SHTN1: variants seen among roughly 807,000 people sequenced by gnomAD.
SHTN1 encodes shootin 1, also known as shootin-1.
A neutral mutation model predicts 83.1 loss-of-function variants in SHTN1; 42 were observed. The observed-to-expected ratio is 0.51, with a 90% CI of 0.39 to 0.65. SHTN1 has a LOEUF of 0.65. SHTN1 is among the 30% of genes least tolerant of loss of function. The probability of loss-of-function intolerance (pLI) is 0.00; values close to 1 mark genes in which losing one functional copy is unlikely to be tolerated. For missense variants in SHTN1, 622 were observed against 737.8 expected (o/e 0.84, Z 1.82); for synonymous variants, 224 against 247.7 (o/e 0.90, Z 0.90).
At chr10:116,961,204 G>A (rs1850172941) in intron 3 of SHTN1, among the ~76,000 whole-genome samples, 1 of 151,806 alleles carries the variant, frequency 6.6e-6, no homozygotes. Flanking sequence ...CACAAAGAGA[G>A]ATTACTTTTG....
At chr10:117,089,557 G>A (rs750575430) in intron 1 of SHTN1, among the ~76,000 whole-genome samples, 14 of 152,096 alleles carry the variant, frequency 9.2e-5, no homozygotes, top group Admixed American at 4.6e-4. Context: ...TGGATAGGGC[G>A]TCAAAAGCAC....
At chr10:116,922,931 A>T (rs61652738) in intron 11 of SHTN1, among the ~76,000 whole-genome samples, 8,733 of 151,908 alleles carry the variant, frequency 0.057, 819 homozygotes, top group African/African-American at 0.19. Flanking sequence ...ACACCATTGC[A>T]CTCCAGCCTG....
chr10:117,086,462 G>A (rs1189221263), intron 1 of SHTN1, among the ~76,000 whole-genome samples: 5 of 152,070 alleles, frequency 3.3e-5, no homozygotes, highest in African/African-American at 1.2e-4. Flanking sequence ...GAATATAGTT[G>A]GACTAGTATC....
chr10:116,902,707 G>A (rs971652141), intron 15 of SHTN1, among the ~76,000 whole-genome samples: 3 of 152,160 alleles, frequency 2.0e-5, no homozygotes, highest in Non-Finnish European at 4.4e-5. Flanking sequence ...AGTGCTTCTT[G>A]AAACTTCAGA....
intron 6 of SHTN1, 40 bp from the exon 7 acceptor site, chr10:116,949,037 T>C (rs1381930441): frequency 2.0e-6 from 3 of 1,482,224 alleles, no homozygotes; most frequent in Non-Finnish European, 1.8e-6. Context: ...ACACCAAAAA[T>C]TGTAAAACAG....
chr10:117,078,297 G>A (rs1853192675), intron 1 of SHTN1, among the ~76,000 whole-genome samples: 1 of 152,170 alleles, frequency 6.6e-6, no homozygotes, highest in Non-Finnish European at 1.5e-5. Context: ...CTACAAGGAT[G>A]GTGGCTCCTG....
At chr10:117,050,152 C>A (rs867719207) in intron 1 of SHTN1, among the ~76,000 whole-genome samples, 1 of 151,928 alleles carries the variant, frequency 6.6e-6, no homozygotes, top group African/African-American at 2.4e-5. Context: ...CACAGCAAGA[C>A]CCCATGTCTA....
intron 15 of SHTN1, among the ~76,000 whole-genome samples, chr10:116,905,835 G>A (rs1847947198): frequency 6.6e-6 from 1 of 152,144 alleles, no homozygotes; most frequent in South Asian, 2.1e-4. Context: ...ACCTCATAAA[G>A]GTTTCCGTTA....
intron 2 of SHTN1, among the ~76,000 whole-genome samples, chr10:117,013,465 T>C (rs1852137040): frequency 6.6e-6 from 1 of 152,220 alleles, no homozygotes; most frequent in African/African-American, 2.4e-5. Flanking sequence ...TAAGCCACCA[T>C]GCCTGGCCCA....
At position 117,103,545 on chromosome 10, in the gene SHTN1, T is replaced by C. The variant is rs1853629744; in HGVS notation, c.-189+22762A>G. 1.5e-5 allele frequency among the ~76,000 whole-genome samples: 2 copies of C among 133,998 alleles called. 1 individual carries two copies. Among genetic ancestry groups the C allele is most frequent in the Non-Finnish European group, 3.2e-5 (2 of 62,710 alleles). The allele number at this position is 133,998 out of a possible 152,430, so 87.9% of individuals were successfully genotyped here. ...CCTCCCCTCTCTTTTTTTTTTTTTT[T>C]TTTTTTTTTTGAGACGGAGTCTCGC... On this transcript the variant is annotated intron_variant, in intron 1 of 17. Transcript: ENST00000392901.
chr10:116,925,002 C>T (rs200819587), intron 11 of SHTN1, among the ~76,000 whole-genome samples: 16 of 151,948 alleles, frequency 1.1e-4, no homozygotes, highest in South Asian at 2.1e-4. Context: ...GTGATCCGCC[C>T]GCCTCGGCCT....
intron 1 of SHTN1, among the ~76,000 whole-genome samples, chr10:117,097,831 C>G (rs1279338749): frequency 6.6e-6 from 1 of 152,110 alleles, no homozygotes; most frequent in African/African-American, 2.4e-5. Flanking sequence ...CAATTTCTTG[C>G]ATCACAAAAT....
At chr10:116,906,548 T>A in intron 15 of SHTN1, 79 bp downstream of exon 15, 3 of 1,375,528 alleles carry the variant, frequency 2.2e-6, no homozygotes, top group Non-Finnish European at 2.9e-6. Context: ...TTTAAAAGAT[T>A]GTTTCATGTA....
chr10:117,055,390 A>G (rs1254354595), intron 1 of SHTN1, among the ~76,000 whole-genome samples: 2 of 152,146 alleles, frequency 1.3e-5, no homozygotes, highest in Non-Finnish European at 2.9e-5. Flanking sequence ...AAACCTCTTT[A>G]AAATATTCTA....
chr10:117,042,953 C>T (rs139310401), intron 2 of SHTN1, among the ~76,000 whole-genome samples: 365 of 152,102 alleles, frequency 2.4e-3, no homozygotes, highest in African/African-American at 8.1e-3. Flanking sequence ...CATTAATAAA[C>T]ACAAATATTT....
At chr10:117,000,949 C>G (rs1159267018) in intron 1 of SHTN1, among the ~76,000 whole-genome samples, 2 of 152,192 alleles carry the variant, frequency 1.3e-5, no homozygotes, top group Non-Finnish European at 2.9e-5. Flanking sequence ...ATATTCAATG[C>G]ATGTGGGCTG....
At chr10:116,901,033 A>C in intron 16 of SHTN1, 1 of 985,434 alleles carries the variant, frequency 1.0e-6, no homozygotes, top group Non-Finnish European at 1.2e-6. Context: ...AGGAAATCAG[A>C]GGTTTAATTA....
At chr10:116,926,962 C>T (rs528328788) in intron 11 of SHTN1, among the ~76,000 whole-genome samples, 72 of 152,206 alleles carry the variant, frequency 4.7e-4, no homozygotes, top group South Asian at 1.5e-3. Context: ...TCAGAAAATA[C>T]GAATTCCTGT....
intron 12 of SHTN1, among the ~76,000 whole-genome samples, 188 bp from the exon 13 acceptor site, chr10:116,915,672 G>GA (rs1848358915): frequency 2.0e-5 from 3 of 152,194 alleles, no homozygotes; most frequent in South Asian, 4.2e-4. Context: ...AACTTTTAGA[G>GA]AAAAAATCTG....
Sources: gnomAD v4.1 joint callset for allele counts (sites outside exome capture counted in the v4.1 genomes callset) on GRCh38, gnomAD v4.1.1 for gene constraint, MANE v1.5 for transcripts, NCBI Gene and HGNC (gene_info 2026-07-23, HGNC 2026-07-21) for gene names.